The following SLCO6A1 variants were observed in gnomAD, a reference collection of about 807,000 sequenced individuals.
The protein encoded by SLCO6A1 is cancer/testis antigen 48.
In SLCO6A1, 65 loss-of-function variants were observed where a neutral mutation model predicts 72.7. That is an observed-to-expected ratio of 0.89 (90% CI 0.73 to 1.10). The LOEUF is 1.10. Ranked by LOEUF, SLCO6A1 falls within the 50% of genes least tolerant of loss-of-function variation. The pLI, the probability that SLCO6A1 is intolerant of heterozygous loss-of-function variation, is 0.00. For synonymous variants in SLCO6A1, 314 were observed against 298.2 expected, an observed-to-expected ratio of 1.05 and a Z score of -0.55; for missense variants, 874 against 872.6, an observed-to-expected ratio of 1.00 and a Z score of -0.02.
intron 8 of SLCO6A1, among the ~76,000 whole-genome samples, chr5:102,417,059 T>A (rs1277613319): frequency 6.6e-6 from 1 of 152,218 alleles, no homozygotes; most frequent in African/African-American, 2.4e-5. Flanking sequence ...AGGATTGCTA[T>A]GTATTCCTGA....
intron 9 of SLCO6A1, among the ~76,000 whole-genome samples, chr5:102,409,349 A>C (rs182621698): frequency 9.1e-4 from 138 of 152,278 alleles, no homozygotes; most frequent in African/African-American, 3.2e-3. Flanking sequence ...TTGAATAGTA[A>C]CATTTAATCA....
intron 8 of SLCO6A1, among the ~76,000 whole-genome samples, chr5:102,416,227 AATAAT>A (rs1748277714): frequency 6.6e-6 from 1 of 152,116 alleles, no homozygotes; most frequent in African/African-American, 2.4e-5. Flanking sequence ...AGAAAAATAA[AATAAT>A]ATATCAAAAA....
At chr5:102,417,205 C>CT (rs1376610442) in intron 8 of SLCO6A1, among the ~76,000 whole-genome samples, 1 of 151,644 alleles carries the variant, frequency 6.6e-6, no homozygotes, top group African/African-American at 2.4e-5. Context: ...TTTTCCCATT[C>CT]TTTCTGCTTA....
chr5:102,476,095 T>C (rs530454701), intron 3 of SLCO6A1, among the ~76,000 whole-genome samples: 4 of 152,034 alleles, frequency 2.6e-5, no homozygotes, highest in African/African-American at 7.2e-5. Context: ...AGACTGCACA[T>C]TGGGTATAGC....
chr5:102,463,896 G>A (rs114714420), intron 4 of SLCO6A1, among the ~76,000 whole-genome samples: 129 of 136,978 alleles, frequency 9.4e-4, no homozygotes, highest in Non-Finnish European at 1.0e-3. Context: ...CAAAAAAGAA[G>A]AAAAAAAAAA....
At chr5:102,402,329 C>A (rs1386528546) in intron 9 of SLCO6A1, among the ~76,000 whole-genome samples, 2 of 151,968 alleles carry the variant, frequency 1.3e-5, no homozygotes, top group Non-Finnish European at 2.9e-5. Flanking sequence ...TGAACCAGGG[C>A]CTAAAATCCT....
intron 9 of SLCO6A1, among the ~76,000 whole-genome samples, chr5:102,400,940 C>T (rs1257687645): frequency 6.6e-6 from 1 of 151,732 alleles, no homozygotes; most frequent in Non-Finnish European, 1.5e-5. Context: ...TAGAAACCAC[C>T]ATTCCATGTA....
intron 12 of SLCO6A1, among the ~76,000 whole-genome samples, chr5:102,381,888 G>A (rs1361249633): frequency 6.6e-6 from 1 of 151,376 alleles, no homozygotes; most frequent in Admixed American, 6.6e-5. Flanking sequence ...ATCCTTTCAT[G>A]TCCTTTGTTC....
chr5:102,388,751 C>G lies in SLCO6A1; in HGVS notation c.1954G>C (p.Gly652Arg), dbSNP rs1232539819. The G allele has an allele frequency of 6.2e-7, 1 of 1,607,842 alleles. No individual in the cohort carries two copies. The highest frequency in any genetic ancestry group is 1.3e-5 in the African/African-American group (1 of 74,632). Reference sequence around the variant, plus strand: ...TATATCCAACAACGTCCTGTGTGTCCACATTTATTAACATCCCGTAAAATA... The same window carrying G: ...TATATCCAACAACGTCCTGTGTGTCGACATTTATTAACATCCCGTAAAATA... ...SCILRDVNKC[G>R]HTGRCWIYNK... Residue 652 changes from glycine (G) to arginine (R), a missense_variant, in exon 12 of 14, where the codon GGA (glycine) becomes CGA (arginine). Physicochemically the swap from Gly to Arg is moderately radical, Grantham distance 125. Transcript: ENST00000506729.
At chr5:102,463,609 G>A (rs1026761402) in intron 4 of SLCO6A1, among the ~76,000 whole-genome samples, 2 of 152,098 alleles carry the variant, frequency 1.3e-5, no homozygotes, top group South Asian at 2.1e-4. Flanking sequence ...AAAATAGGCC[G>A]GGCACGGTGG....
chr5:102,394,182 T>G (rs1210331675), intron 10 of SLCO6A1, among the ~76,000 whole-genome samples: 1 of 152,186 alleles, frequency 6.6e-6, no homozygotes, highest in Non-Finnish European at 1.5e-5. Context: ...TTTAACCCAG[T>G]CTTTCTAGTT....
chr5:102,471,322 T>C lies in SLCO6A1; in HGVS notation c.899+4375A>G, dbSNP rs537277547. Among the ~76,000 whole-genome samples, 27 of 152,132 alleles carry C rather than the reference T, an allele frequency of 1.8e-4. No individual in the cohort carries two copies. In the South Asian group the frequency reaches 4.8e-3, roughly 27 times the overall value. ...CCCAAACAAGCTGAACATAAATCAATAGAGATTTATACCTCAGGCCATCTC... is the reference window on the plus strand; with the variant it reads ...CCCAAACAAGCTGAACATAAATCAACAGAGATTTATACCTCAGGCCATCTC... On this transcript the variant is annotated intron_variant, in intron 4 of 13. Coordinates refer to ENST00000506729, the MANE Select transcript of SLCO6A1 (RefSeq NM_173488.5).
chr5:102,451,371 T>A (rs1301257062), intron 6 of SLCO6A1, among the ~76,000 whole-genome samples: 1 of 152,142 alleles, frequency 6.6e-6, no homozygotes, highest in Non-Finnish European at 1.5e-5. Context: ...AGGCCCTCAG[T>A]CCATCTTGCT....
At position 102,498,794 on chromosome 5, in the gene SLCO6A1, C is replaced by G. The variant is rs1273323104; in HGVS notation, c.51G>C (p.Arg17Ser). 2 of 1,613,892 alleles carry G rather than the reference C, an allele frequency of 1.2e-6. No homozygotes were observed. Among genetic ancestry groups the G allele is most frequent in the Non-Finnish European group, 8.5e-7 (1 of 1,179,980 alleles). The change falls in exon 1 of 14, where the codon AGG becomes AGC. Residue 17 changes from arginine to serine, a missense_variant. Coordinates refer to ENST00000506729, the MANE Select transcript of SLCO6A1 (RefSeq NM_173488.5). The stretch of plus-strand genomic sequence containing the variant: ...GCGCGGCCTCCAGCGGCTCTACTCC[C>G]CTTGAGACTTCATCCTGGCTCCCAG... ...RHSGSQDEVS[R>S]GVEPLEAARA...
At chr5:102,473,677 C>G (rs1332732170) in intron 4 of SLCO6A1, among the ~76,000 whole-genome samples, 3 of 151,880 alleles carry the variant, frequency 2.0e-5, no homozygotes, top group Non-Finnish European at 4.4e-5. Context: ...TAAAATTATC[C>G]CTGTTCTCAG....
At chr5:102,482,948 C>T (rs745459050) in intron 1 of SLCO6A1, among the ~76,000 whole-genome samples, 2 of 152,190 alleles carry the variant, frequency 1.3e-5, no homozygotes, top group African/African-American at 2.4e-5. Context: ...ATTATATTGA[C>T]TCTTCCTGGT....
chr5:102,415,518 GA>G (rs1324283134), intron 8 of SLCO6A1, among the ~76,000 whole-genome samples: 2 of 152,046 alleles, frequency 1.3e-5, no homozygotes, highest in Non-Finnish European at 2.9e-5. Context: ...ATAAGAGAAT[GA>G]AAATGGACCC....
chr5:102,458,898 A>T (rs1222700697), intron 5 of SLCO6A1, among the ~76,000 whole-genome samples: 1 of 152,186 alleles, frequency 6.6e-6, no homozygotes, highest in Admixed American at 6.6e-5. Context: ...TACTATAATC[A>T]GGAGAGTTAT....
chr5:102,403,293 T>C lies in SLCO6A1; in HGVS notation c.1627-3551A>G, dbSNP rs147443763. Among the ~76,000 whole-genome samples, 14 of 152,274 alleles carry C rather than the reference T, an allele frequency of 9.2e-5. No homozygotes were observed. In the East Asian group the frequency reaches 1.9e-3, roughly 21 times the overall value. Reference sequence around the variant, plus strand: ...CAGCTGAGAGGACATGATTAGTCTCTACACAGTTACCAGAGCATAGTAATG... The same window carrying C: ...CAGCTGAGAGGACATGATTAGTCTCCACACAGTTACCAGAGCATAGTAATG... On this transcript the variant is annotated intron_variant, in intron 9 of 13. Coordinates refer to ENST00000506729, the MANE Select transcript of SLCO6A1 (RefSeq NM_173488.5).
Sources: allele counts gnomAD v4.1 joint callset (sites outside exome capture counted in the v4.1 genomes callset), GRCh38; gene constraint gnomAD v4.1.1; transcripts MANE v1.5; gene names NCBI Gene and HGNC (gene_info 2026-07-23, HGNC 2026-07-21).